Variants in ITGB5 observed in about 807,000 individuals in gnomAD.
ITGB5 encodes integrin beta-5.
Under a neutral mutation model 84.8 loss-of-function variants are expected in ITGB5, and 38 were observed. The observed-to-expected ratio is 0.45, with a 90% CI of 0.35 to 0.59. ITGB5 has a LOEUF of 0.59. Ranked by LOEUF, ITGB5 falls within the 20% of genes least tolerant of loss-of-function variation. The pLI, the probability that ITGB5 is intolerant of heterozygous loss-of-function variation, is 0.01. For synonymous variants in ITGB5, 393 were observed against 414.4 expected (o/e 0.95, Z 0.63); for missense variants, 905 against 1,034.5 (o/e 0.87, Z 1.72).
intron 5 of ITGB5, among the ~76,000 whole-genome samples, chr3:124,839,198 G>T (rs1212020936): frequency 6.6e-6 from 1 of 152,166 alleles, no homozygotes; most frequent in Non-Finnish European, 1.5e-5. Context: ...TCGTGGTGAG[G>T]AATAAAGAGC....
At chr3:124,803,883 G>A (rs1382004374) in intron 9 of ITGB5, among the ~76,000 whole-genome samples, 3 of 152,158 alleles carry the variant, frequency 2.0e-5, no homozygotes, top group African/African-American at 2.4e-5. Context: ...TTTTCATGTC[G>A]ACACTTCAGG....
At chr3:124,803,442 G>A (rs1005320489) in intron 9 of ITGB5, among the ~76,000 whole-genome samples, 16 of 152,214 alleles carry the variant, frequency 1.1e-4, no homozygotes, top group African/African-American at 3.9e-4. Flanking sequence ...GCAGACAGCA[G>A]CAGTAATGCC....
chr3:124,834,786 G>C (rs1489165079), intron 5 of ITGB5, among the ~76,000 whole-genome samples: 1 of 152,142 alleles, frequency 6.6e-6, no homozygotes, highest in Admixed American at 6.5e-5. Context: ...AACAACACAT[G>C]CAAAGGCCTT....
At chr3:124,839,256 C>T (rs1050975489) in intron 5 of ITGB5, among the ~76,000 whole-genome samples, 13 of 152,298 alleles carry the variant, frequency 8.5e-5, no homozygotes, top group African/African-American at 2.6e-4. Flanking sequence ...AGTGCCTCTC[C>T]GTCAACAATA....
chr3:124,846,608 G>A (rs754232123), intron 4 of ITGB5, among the ~76,000 whole-genome samples: 1 of 152,104 alleles, frequency 6.6e-6, no homozygotes, highest in Non-Finnish European at 1.5e-5. Flanking sequence ...GTGTTGTAGT[G>A]TGATTTGAAT....
intron 10 of ITGB5, among the ~76,000 whole-genome samples, chr3:124,795,291 C>T (rs2064205820): frequency 6.6e-6 from 1 of 152,034 alleles, no homozygotes; most frequent in Non-Finnish European, 1.5e-5. Flanking sequence ...GAGTTCAAGA[C>T]CAGCCTGGCC....
intron 3 of ITGB5, among the ~76,000 whole-genome samples, chr3:124,851,857 T>C (rs1176849458): frequency 2.0e-5 from 3 of 152,154 alleles, no homozygotes; most frequent in East Asian, 3.9e-4. Flanking sequence ...CTGGAGGGAC[T>C]GACATTCCTG....
intron 1 of ITGB5, chr3:124,894,502 T>C (rs1274103945): frequency 6.6e-6 from 1 of 152,206 alleles, no homozygotes; most frequent in South Asian, 2.1e-4. Flanking sequence ...ATTGCTTATG[T>C]AAAATTTTCT....
At chr3:124,813,910 T>TC (rs1195979602) in intron 8 of ITGB5, among the ~76,000 whole-genome samples, 1 of 152,046 alleles carries the variant, frequency 6.6e-6, no homozygotes, top group African/African-American at 2.4e-5. Flanking sequence ...CATGGCTGGT[T>TC]CCCCTGGCAA....
chr3:124,891,403 T>C (rs1579351477), upstream of ITGB5, among the ~76,000 whole-genome samples: 2 of 152,218 alleles, frequency 1.3e-5, no homozygotes, highest in African/African-American at 4.8e-5. Flanking sequence ...AATGAAGGCC[T>C]TTGCAATGGC....
rs1278598384 is a variant in ITGB5, at chr3:124,841,425, A to G, written c.738T>C (p.Pro246=). The G allele has an allele frequency of 6.2e-7, 1 of 1,614,206 alleles. No homozygotes were observed. Among genetic ancestry groups the G allele is most frequent in the Non-Finnish European group, 8.5e-7 (1 of 1,180,016 alleles). The stretch of plus-strand genomic sequence containing the variant: ...GGAGTACTGCATCAAAGCCCCCCTC[A>G]GGGGCATCTCGGTTCCGGGACACCC... ...KQRVSRNRDA[P]EGGFDAVLQA... The change falls in exon 5 of 15, where the codon CCT becomes CCC. Residue 246 remains proline, a synonymous_variant. Coordinates refer to ENST00000296181, the MANE Select transcript of ITGB5 (RefSeq NM_002213.5).
intron 1 of ITGB5, among the ~76,000 whole-genome samples, chr3:124,900,456 A>G (rs1935193764): frequency 6.6e-6 from 1 of 152,240 alleles, no homozygotes. Flanking sequence ...TGGAAGTAGC[A>G]GAGAATTTCC....
At chr3:124,800,173 G>A in intron 9 of ITGB5, among the ~76,000 whole-genome samples, 1 of 152,106 alleles carries the variant, frequency 6.6e-6, no homozygotes, top group East Asian at 1.9e-4. Flanking sequence ...CTGAAACCCT[G>A]TACTTCTAGG....
intron 10 of ITGB5, among the ~76,000 whole-genome samples, chr3:124,782,009 G>A (rs2064012187): frequency 6.6e-6 from 1 of 152,192 alleles, no homozygotes; most frequent in Non-Finnish European, 1.5e-5. Flanking sequence ...ATAGAGAAAT[G>A]TATGTTGTAC....
rs113633976 is a variant in ITGB5 at position 124,880,981 on chromosome 3, AGTTTGTTT to A, written c.70+5942_70+5949del. Among the ~76,000 whole-genome samples, 179 of 147,928 alleles carry A rather than the reference AGTTTGTTT, an allele frequency of 1.2e-3. 1 individual carries two copies. Among genetic ancestry groups the A allele is most frequent in the African/African-American group, 4.1e-3 (155 of 38,160 alleles). On this transcript the variant is annotated intron_variant, in intron 1 of 14. Transcript: ENST00000296181. ...AGAAAAGAAAAAGTACATATGTAAA[AGTTTGTTT>A]GTTTGTTTGTTTGTTTGAGACAGAG...
chr3:124,829,428 C>G (rs1340790703), intron 5 of ITGB5, among the ~76,000 whole-genome samples: 1 of 152,230 alleles, frequency 6.6e-6, no homozygotes, highest in African/African-American at 2.4e-5. Flanking sequence ...AGTCCTGTCA[C>G]TTTTCTTTGT....
At chr3:124,795,476 G>A (rs552070140) in intron 10 of ITGB5, among the ~76,000 whole-genome samples, 7 of 151,690 alleles carry the variant, frequency 4.6e-5, no homozygotes, top group Admixed American at 3.9e-4. Context: ...GCAACAGAGT[G>A]AGACTCCATC....
Position 124,772,911 on chromosome 3 carries a change from C to CTTTTTT in ITGB5, c.1916+773_1916+778dup, listed in dbSNP as rs35802279. Among the ~76,000 whole-genome samples, 13 of 127,312 alleles carry CTTTTTT rather than the reference C, an allele frequency of 1.0e-4. 2 individuals carry two copies. The highest frequency in any genetic ancestry group is 1.6e-4 in the Non-Finnish European group (10 of 61,132). The allele number at this position is 127,312 out of a possible 152,430, so 83.5% of individuals were successfully genotyped here. The stretch of plus-strand genomic sequence containing the variant: ...GTCGGGTGCCTTTCTCTCCAATTTA[C>CTTTTTT]TTTTTTTTTTTTTTTTTTTTGAGAC... On this transcript the variant is annotated intron_variant, in intron 11 of 14. Transcript: ENST00000296181.
chr3:124,813,814 G>GCTACC (rs2064542858), intron 8 of ITGB5, among the ~76,000 whole-genome samples: 2 of 152,030 alleles, frequency 1.3e-5, no homozygotes, highest in Admixed American at 1.3e-4. Context: ...CACATCTCTG[G>GCTACC]CTACTGGTGA....
Sources: allele counts gnomAD v4.1 joint callset (sites outside exome capture counted in the v4.1 genomes callset), GRCh38; gene constraint gnomAD v4.1.1; transcripts MANE v1.5; gene names NCBI Gene and HGNC (gene_info 2026-07-23, HGNC 2026-07-21).